Variants in GAPVD1 observed in about 807,000 individuals in gnomAD.
GAPVD1 encodes the protein GTPase activating protein and VPS9 domains 1, also known as GTPase-activating protein and VPS9 domain-containing protein 1.
A neutral mutation model predicts 155.5 loss-of-function variants in GAPVD1; 35 were observed. That is an observed-to-expected ratio of 0.23 (90% CI 0.17 to 0.30). The LOEUF is 0.30. Ranked by LOEUF, GAPVD1 falls within the 10% of genes least tolerant of loss-of-function variation. GAPVD1 has a pLI of 1.00. For synonymous variants in GAPVD1, 636 were observed against 619.7 expected, an observed-to-expected ratio of 1.03 and a Z score of -0.39; for missense variants, 1,429 against 1,775.7, an observed-to-expected ratio of 0.80 and a Z score of 3.51.
chr9:125,299,255 TAC>T (rs1301037378), intron 4 of GAPVD1, 149 bp downstream of exon 4: 1 of 506,300 alleles, frequency 2.0e-6, no homozygotes, highest in Non-Finnish European at 3.5e-6. Context: ...TTGCTTATAA[TAC>T]AGTTTATTTG....
intron 4 of GAPVD1, among the ~76,000 whole-genome samples, chr9:125,300,042 T>G (rs1369774355): frequency 2.0e-4 from 1 of 4,924 alleles, no homozygotes; most frequent in Non-Finnish European, 3.4e-4. Flanking sequence ...AAAAAAAATA[T>G]ATATATATAT....
At chr9:125,303,694 T>C (rs1841314570) in intron 5 of GAPVD1, among the ~76,000 whole-genome samples, 2 of 150,322 alleles carry the variant, frequency 1.3e-5, no homozygotes, top group African/African-American at 4.9e-5. Context: ...GAGAATTGCT[T>C]GAACCCGGGA....
At chr9:125,354,503 T>G in intron 23 of GAPVD1, 151 bp from the exon 24 acceptor site, 1 of 529,352 alleles carries the variant, frequency 1.9e-6, no homozygotes, top group Non-Finnish European at 3.4e-6. Context: ...CATGCTACTT[T>G]GTATATGTGC....
intron 5 of GAPVD1, among the ~76,000 whole-genome samples, chr9:125,303,662 G>C (rs546131227): frequency 6.6e-6 from 1 of 151,540 alleles, no homozygotes; most frequent in African/African-American, 2.4e-5. Flanking sequence ...TGTAATCCCA[G>C]TTACTTGGGA....
chr9:125,309,874 C>A, intron 8 of GAPVD1: 1 of 414,660 alleles, frequency 2.4e-6, no homozygotes, highest in Admixed American at 3.0e-5. Context: ...CTTAACAAAT[C>A]TGTCCATTGT....
chr9:125,266,583 G>A (rs1361752315), intron 1 of GAPVD1, among the ~76,000 whole-genome samples: 3 of 152,064 alleles, frequency 2.0e-5, no homozygotes, highest in African/African-American at 7.2e-5. Context: ...AAAGTGCTGG[G>A]ATTACAGGCG....
In GAPVD1 at chr9:125,337,462, C is replaced by T. The variant is rs762093856; in HGVS notation, c.2748C>T (p.Pro916=). The change falls in exon 17 of 28, where the codon CCC becomes CCT. Residue 916 remains proline, a synonymous_variant. Transcript: ENST00000297933. ...CTGTCCGGAGACCCATGAGTGACCC[C>T]AGCTGGAACCGGCGTCCAGGAAATG... ...VSSVRRPMSD[P]SWNRRPGNEE... is the part of the protein sequence containing the mutation. The T allele has an allele frequency of 6.8e-6, 11 of 1,614,060 alleles. No homozygotes were observed. Among genetic ancestry groups the T allele is most frequent in the Non-Finnish European group, 9.3e-6 (11 of 1,180,026 alleles).
At chr9:125,267,590 G>A (rs1834174439) in intron 1 of GAPVD1, among the ~76,000 whole-genome samples, 1 of 151,984 alleles carries the variant, frequency 6.6e-6, no homozygotes, top group Non-Finnish European at 1.5e-5. Context: ...TGTATTTTTA[G>A]TAGAGACGGG....
chr9:125,281,879 A>T (rs1836848957), intron 2 of GAPVD1, among the ~76,000 whole-genome samples: 1 of 150,864 alleles, frequency 6.6e-6, no homozygotes, highest in African/African-American at 2.4e-5. Flanking sequence ...CAGTGGTGGG[A>T]TCTGGGCTCA....
At position 125,362,589 on chromosome 9, in the gene GAPVD1, A is replaced by T. The variant is rs1233077328; in HGVS notation, c.4243-17A>T. ...ACATCTGAGTAATTGATTCTTTTTT[A>T]TTTTTCACTTCTCTAGGCAAATCCA... On this transcript the variant is annotated splice_polypyrimidine_tract_variant and intron_variant, in intron 27 of 27. Transcript: ENST00000297933. The T allele has an allele frequency of 1.9e-6, 3 of 1,572,464 alleles. No individual in the cohort carries two copies. The highest frequency in any genetic ancestry group is 1.9e-5 in the Admixed American group (1 of 52,586).
intron 5 of GAPVD1, 118 bp downstream of exon 5, chr9:125,302,944 C>T: frequency 2.5e-6 from 3 of 1,220,350 alleles, no homozygotes; most frequent in African/African-American, 1.5e-5. Context: ...AACTTTTTCT[C>T]AACCAGTCCT....
At chr9:125,321,782 A>T (rs990380018) in intron 10 of GAPVD1, among the ~76,000 whole-genome samples, 9 of 152,252 alleles carry the variant, frequency 5.9e-5, no homozygotes, top group Admixed American at 1.3e-4. Flanking sequence ...TGGAGAAGAT[A>T]TGTCTTTATT....
chr9:125,301,929 A>G, intron 4 of GAPVD1, 54 bp from the exon 5 acceptor site: 3 of 1,291,120 alleles, frequency 2.3e-6, no homozygotes, highest in South Asian at 1.5e-5. Flanking sequence ...TATATGTGTT[A>G]TTATTATTAA....
chr9:125,308,164 T>C (rs1055745511), intron 8 of GAPVD1: 12 of 521,318 alleles, frequency 2.3e-5, no homozygotes, highest in African/African-American at 2.1e-4. Flanking sequence ...TTTGGAAATG[T>C]TATAAGTAGT....
At chr9:125,318,923 C>G (rs1013733131) in intron 9 of GAPVD1, among the ~76,000 whole-genome samples, 1 of 152,054 alleles carries the variant, frequency 6.6e-6, no homozygotes, top group African/African-American at 2.4e-5. Flanking sequence ...CACCTGTAAT[C>G]CCAGAACTTT....
chr9:125,337,567 G>C lies in GAPVD1; in HGVS notation c.2853G>C (p.Pro951=). ...CACCTCATTCATCATCTTCATCCCC[G>C]AGTAAGGACTCCTCAAGAGGAGAGG... ...VAAPHSSSSS[P]SKDSSRGETE... The change falls in exon 17 of 28, where the codon CCG becomes CCC. Residue 951 remains proline, a synonymous_variant. Transcript: ENST00000297933. 6.2e-7 allele frequency: 1 copy of C among 1,613,882 alleles called. No homozygotes were observed. The highest frequency in any genetic ancestry group is 2.2e-5 in the East Asian group (1 of 44,880).
At chr9:125,306,023 T>G (rs1841739132) in intron 6 of GAPVD1, among the ~76,000 whole-genome samples, 1 of 152,192 alleles carries the variant, frequency 6.6e-6, no homozygotes, top group Non-Finnish European at 1.5e-5. Context: ...TATAGTTAAA[T>G]AAAATTTTAA....
chr9:125,309,133 C>T (rs1202534884), intron 8 of GAPVD1: 1 of 152,114 alleles, frequency 6.6e-6, no homozygotes, highest in Non-Finnish European at 1.5e-5. Flanking sequence ...TTTTAAACTT[C>T]TGTGAGCTAA....
chr9:125,293,455 CT>C lies in GAPVD1; in HGVS notation c.-149-1990del, dbSNP rs796829443. Among the ~76,000 whole-genome samples the C allele has an allele frequency of 1.8e-3, 240 of 134,662 alleles. 1 individual carries two copies. The highest frequency in any genetic ancestry group is 2.3e-3 in the East Asian group (11 of 4,770). 88.3% of individuals were successfully genotyped at this position (134,662 alleles called of 152,430 possible). ...TTGCTGAATTAAAGTAGAGAAATGG[CT>C]TTTTTTTTTTTTGAGATAGAGTTTT... On this transcript the variant is annotated intron_variant, in intron 2 of 27. Coordinates refer to ENST00000297933, the MANE Select transcript of GAPVD1 (RefSeq NM_001282680.3).
Sources: gnomAD v4.1 joint callset for allele counts (sites outside exome capture counted in the v4.1 genomes callset) on GRCh38, gnomAD v4.1.1 for gene constraint, MANE v1.5 for transcripts, NCBI Gene and HGNC (gene_info 2026-07-23, HGNC 2026-07-21) for gene names.